The following GPR4 variants were observed in gnomAD, a reference collection of about 807,000 sequenced individuals.
The protein encoded by GPR4 is G protein-coupled receptor 4, also known as G-prodeshotein coupled receptor 4.
Under a neutral mutation model 17.8 loss-of-function variants are expected in GPR4, and 11 were observed. The observed-to-expected ratio is 0.62, with a 90% CI of 0.39 to 1.02. The LOEUF (loss-of-function observed/expected upper bound fraction) is 1.02, where lower values mean the gene tolerates loss of function less well. Ranked by LOEUF, GPR4 falls within the 50% of genes least tolerant of loss-of-function variation. The pLI is 0.00. For synonymous variants in GPR4, 219 were observed against 222.8 expected (o/e 0.98, Z 0.15); for missense variants, 364 against 495.4 (o/e 0.73, Z 2.52).
rs1969997187 is a variant in GPR4, at chr19:45,591,654, C to A, written c.213G>T (p.Pro71=). Residue 71 remains proline, a synonymous_variant, in exon 2 of 2, where the codon CCG becomes CCT. Coordinates refer to ENST00000323040, the MANE Select transcript of GPR4 (RefSeq NM_005282.3). The surrounding 1 kb of genome is among the most constrained non-coding windows in gnomAD (Gnocchi z 7.6). ...IADLLYICTL[P]LWVDYFLHHD... is the part of the protein sequence containing the mutation. The stretch of plus-strand genomic sequence containing the variant: ...GGTGCAGGAAGTAGTCCACCCACAG[C>A]GGCAGCGTGCAGATGTACAGCAGGT... The A allele has an allele frequency of 3.1e-6, 5 of 1,613,824 alleles. No homozygotes were observed. In the South Asian group the frequency reaches 5.5e-5, roughly 18 times the overall value.
In GPR4 at chr19:45,600,969, A is replaced by G. The variant is rs980833428; in HGVS notation, c.-832+1126T>C. On this transcript the variant is annotated intron_variant, in intron 1 of 1. Coordinates refer to ENST00000323040, the MANE Select transcript of GPR4 (RefSeq NM_005282.3). ...GATTCCCAGGGTTCCAGGAGCCCCT[A>G]TGGGTCTTTCATCCTCTTCAGCTGG... Among the ~76,000 whole-genome samples the G allele has an allele frequency of 2.0e-5, 3 of 152,130 alleles. No individual in the cohort carries two copies. In the East Asian group the frequency reaches 5.8e-4, roughly 29 times the overall value.
rs536277757 is a variant in GPR4, at chr19:45,592,589, G to A, written c.-723C>T. On this transcript the variant is annotated 5_prime_UTR_variant, in exon 2 of 2. Transcript: ENST00000323040. ...TGAGTAAGGTCTAGATCAGAGGTAA[G>A]TTTGGGGACGGAAGGGAAATTTCAA... The A allele has an allele frequency of 6.0e-6, 1 of 167,454 alleles. No homozygotes were observed. The highest frequency in any genetic ancestry group is 2.4e-5 in the African/African-American group (1 of 41,534). 10.4% of individuals were successfully genotyped at this position (167,454 alleles called of 1,614,324 possible). A position where few individuals can be genotyped will look rare whatever the true frequency, so the allele number is the denominator to read the frequency against.
rs1389795266 is a variant in GPR4 at position 45,590,613 on chromosome 19, G to A, written c.*165C>T. 2.2e-5 allele frequency: 18 copies of A among 804,346 alleles called. No homozygotes were observed. The South Asian group carries it at 2.6e-4, about 12-fold the overall frequency. The allele number at this position is 804,346 out of a possible 1,614,324, so 49.8% of individuals were successfully genotyped here. Reference sequence around the variant, plus strand: ...CGCCAAACTGTGATGGGATCTGGGAGCACAAAGGTTGACCAGTGACACACC... The same window carrying A: ...CGCCAAACTGTGATGGGATCTGGGAACACAAAGGTTGACCAGTGACACACC... On this transcript the variant is annotated 3_prime_UTR_variant, in exon 2 of 2. Transcript: ENST00000323040.
At chr19:45,593,152 C>T (rs1033241267) in intron 1 of GPR4, among the ~76,000 whole-genome samples, 11 of 145,200 alleles carry the variant, frequency 7.6e-5, no homozygotes, top group Admixed American at 7.1e-5. Context: ...GAGCTATAAT[C>T]ACACCACGGC....
chr19:45,596,366 C>A (rs1970058922), intron 1 of GPR4, among the ~76,000 whole-genome samples: 1 of 151,988 alleles, frequency 6.6e-6, no homozygotes, highest in African/African-American at 2.4e-5. Flanking sequence ...TCACCACGCT[C>A]AGCTAATTTT....
intron 1 of GPR4, among the ~76,000 whole-genome samples, chr19:45,600,186 G>C (rs956282176): frequency 6.6e-6 from 1 of 152,070 alleles, no homozygotes; most frequent in Admixed American, 6.6e-5. Flanking sequence ...TCACCACCTG[G>C]GGGTGACATG....
intron 1 of GPR4, among the ~76,000 whole-genome samples, chr19:45,594,094 A>ATATTTTATATAT (rs1970032285): frequency 1.8e-5 from 2 of 112,958 alleles, no homozygotes; most frequent in South Asian, 2.9e-4. Context: ...ATATATATAT[A>ATATTTTATATAT]AAATAGATGC....
chr19:45,597,572 C>A (rs1218365930), intron 1 of GPR4, among the ~76,000 whole-genome samples: 1 of 152,176 alleles, frequency 6.6e-6, no homozygotes, highest in African/African-American at 2.4e-5. Flanking sequence ...AGGACAGGCC[C>A]AGCATACAGT....
chr19:45,596,720 T>A (rs1970062139), intron 1 of GPR4, among the ~76,000 whole-genome samples: 1 of 152,052 alleles, frequency 6.6e-6, no homozygotes, highest in South Asian at 2.1e-4. Flanking sequence ...AATCGTTCTA[T>A]TTTTTGTGGA....
intron 1 of GPR4, among the ~76,000 whole-genome samples, chr19:45,594,630 G>A (rs1257135037): frequency 1.3e-5 from 2 of 152,164 alleles, no homozygotes; most frequent in African/African-American, 2.4e-5. Flanking sequence ...GATGTCTAGA[G>A]TGCAGCCATC....
At position 45,594,046 on chromosome 19, in the gene GPR4, T is replaced by TAAAAAAAA. The variant is rs1177623997; in HGVS notation, c.-831-1357_-831-1350dup. ...CAGGCATGCACCACCATGCCTGGCT[T>TAAAAAAAA]AAAAAAAAAAAAAAAAAATATATAT... On this transcript the variant is annotated intron_variant, in intron 1 of 1. Transcript: ENST00000323040. 8.7e-4 allele frequency among the ~76,000 whole-genome samples: 44 copies of TAAAAAAAA among 50,292 alleles called. 2 individuals carry two copies. Among genetic ancestry groups the TAAAAAAAA allele is most frequent in the African/African-American group, 5.7e-3 (42 of 7,390 alleles). The allele number at this position is 50,292 out of a possible 152,430, so 33.0% of individuals were successfully genotyped here. A position where few individuals can be genotyped will look rare whatever the true frequency, so the allele number is the denominator to read the frequency against.
At chr19:45,595,343 C>T (rs776382648) in intron 1 of GPR4, among the ~76,000 whole-genome samples, 88 of 151,750 alleles carry the variant, frequency 5.8e-4, no homozygotes, top group Middle Eastern at 3.4e-3. Context: ...GAAAAGGGCC[C>T]TGGGCTGCCA....
In GPR4 at chr19:45,590,891, G is replaced by C. The variant is rs757517157; in HGVS notation, c.976C>G (p.Pro326Ala). The change falls in exon 2 of 2, where the codon CCA becomes GCA. Residue 326 changes from proline to alanine, a missense_variant. Around this residue, in one of 3 missense-constraint regions of GPR4, gnomAD observed 92 missense variants for 106.0 expected, o/e 0.87. Coordinates refer to ENST00000323040, the MANE Select transcript of GPR4 (RefSeq NM_005282.3). ...GTGCTGTTCCTCTTGGAGGTGAGTG[G>C]GGTCTCCAGGGTGAGCGAGGCATTG... ...MANASLTLET[P>A]LTSKRNSTAK... 1.9e-6 allele frequency: 3 copies of C among 1,614,110 alleles called. No homozygotes were observed. Among genetic ancestry groups the C allele is most frequent in the Non-Finnish European group, 2.5e-6 (3 of 1,180,030 alleles).
At chr19:45,595,625 C>G (rs1180713512) in intron 1 of GPR4, among the ~76,000 whole-genome samples, 1 of 152,178 alleles carries the variant, frequency 6.6e-6, no homozygotes, top group Non-Finnish European at 1.5e-5. Flanking sequence ...AAGCCCCTGA[C>G]TATCATCAAC....
chr19:45,595,800 G>C (rs1384422709), intron 1 of GPR4, among the ~76,000 whole-genome samples: 2 of 151,846 alleles, frequency 1.3e-5, no homozygotes, highest in East Asian at 3.9e-4. Flanking sequence ...AAAAGGGTGA[G>C]CTGCTAGCTG....
In GPR4 at chr19:45,591,063, G is replaced by A. The variant is rs2122539703; in HGVS notation, c.804C>T (p.Tyr268=). 1.9e-6 allele frequency: 3 copies of A among 1,613,992 alleles called. No homozygotes were observed. Among genetic ancestry groups the A allele is most frequent in the South Asian group, 2.2e-5 (2 of 91,090 alleles). ...CGFEERVFSA[Y]HSSLAFTSLN... ...GGCTGGTGAAAGCCAGTGAGCTGTG[G>A]TATGCAGAAAAGACGCGCTCCTCGA... The change falls in exon 2 of 2, where the codon TAC becomes TAT. Residue 268 remains tyrosine (Y), a synonymous_variant. Coordinates refer to ENST00000323040, the MANE Select transcript of GPR4 (RefSeq NM_005282.3). The surrounding 1 kb of genome is among the most constrained non-coding windows in gnomAD (Gnocchi z 7.6).
At chr19:45,596,229 G>A (rs1304656435) in intron 1 of GPR4, among the ~76,000 whole-genome samples, 2 of 143,694 alleles carry the variant, frequency 1.4e-5, no homozygotes, top group African/African-American at 2.6e-5. Context: ...TTGAGATGGA[G>A]AGTTTCACTC....
rs770457704 is a variant in GPR4, at chr19:45,591,476, C to T, written c.391G>A (p.Val131Ile). Residue 131 changes from valine to isoleucine, a missense_variant, in exon 2 of 2, where the codon GTC becomes ATC. Around this residue, in one of 3 missense-constraint regions of GPR4, gnomAD observed 271 missense variants for 373.1 expected, o/e 0.73. Transcript: ENST00000323040. This position sits in a 1 kb window ranked among gnomAD's most constrained non-coding sequence, Gnocchi z 7.6. The part of the protein sequence containing the change: ...HPLRFARLRR[V>I]KTAVAVSSVV... Reference sequence around the variant, plus strand: ...GAGCTCACGGCCACGGCGGTCTTGACGCGGCGCAGGCGGGCGAAGCGGAGT... The same window carrying T: ...GAGCTCACGGCCACGGCGGTCTTGATGCGGCGCAGGCGGGCGAAGCGGAGT... 8 of 1,611,098 alleles carry T rather than the reference C, an allele frequency of 5.0e-6. No homozygotes were observed. Among genetic ancestry groups the T allele is most frequent in the East Asian group, 4.5e-5 (2 of 44,832 alleles).
At position 45,591,077 on chromosome 19, in the gene GPR4, C is replaced by T. The variant is rs1969987252; in HGVS notation, c.790G>A (p.Val264Ile). ...AGTGAGCTGTGGTATGCAGAAAAGA[C>T]GCGCTCCTCGAAGCCGCAGTCCCAG... ...RPWDCGFEERVFSAYHSSLAF... is the reference protein window; with the variant it reads ...RPWDCGFEERIFSAYHSSLAF... The change falls in exon 2 of 2, where the codon GTC (valine) becomes ATC (isoleucine). Residue 264 changes from valine to isoleucine, a missense_variant. Physicochemically the swap from Val to Ile is conservative, Grantham distance 29. Transcript: ENST00000323040. The surrounding 1 kb of genome is among the most constrained non-coding windows in gnomAD (Gnocchi z 7.6). 1.9e-6 allele frequency: 3 copies of T among 1,613,904 alleles called. No individual in the cohort carries two copies. Among genetic ancestry groups the T allele is most frequent in the Non-Finnish European group, 2.5e-6 (3 of 1,180,034 alleles).
Sources: gnomAD v4.1 joint callset for allele counts (sites outside exome capture counted in the v4.1 genomes callset) on GRCh38, gnomAD v4.1.1 for gene constraint, gnomAD v4.1.1 regional missense constraint, Gnocchi (gnomAD v3.1) non-coding constraint, MANE v1.5 for transcripts, NCBI Gene and HGNC (gene_info 2026-07-23, HGNC 2026-07-21) for gene names.